SLC66A1: variants seen among roughly 807,000 people sequenced by gnomAD.
SLC66A1 encodes the protein lysosomal amino acid transporter 1 homolog.
In SLC66A1, 23 loss-of-function variants were observed where a neutral mutation model predicts 33.0. The observed-to-expected ratio is 0.70, with a 90% CI of 0.50 to 0.99. SLC66A1 has a LOEUF of 0.99. Ranked by LOEUF, SLC66A1 falls within the 50% of genes least tolerant of loss-of-function variation. SLC66A1 has a pLI of 0.00. For missense variants in SLC66A1, 335 were observed against 383.6 expected (o/e 0.87, Z 1.06); for synonymous variants, 164 against 175.5 (o/e 0.93, Z 0.52).
At position 19,328,543 on chromosome 1, in the gene SLC66A1, C is replaced by T; in HGVS notation, c.805-29C>T. ...GGGCAGGTCCAACCCAGTCTCTGCT[C>T]AGCTTGGCCTTAACGGCGGCACCCC... On this transcript the variant is annotated intron_variant, in intron 7 of 7. Coordinates refer to ENST00000375153, the MANE Select transcript of SLC66A1 (RefSeq NM_001040125.2). The surrounding 1 kb of genome is among the most constrained non-coding windows in gnomAD (Gnocchi z 4.7). The T allele has an allele frequency of 6.2e-7, 1 of 1,605,070 alleles. No individual in the cohort carries two copies.
At chr1:19,330,933 C>T (rs1042676146), downstream of SLC66A1, among the ~76,000 whole-genome samples, 5 of 152,258 alleles carry the variant, frequency 3.3e-5, no homozygotes, top group African/African-American at 1.2e-4. Flanking sequence ...GTTAGTTGCA[C>T]ACTTGCCATG....
At chr1:19,330,536 A>G (rs2093889514), downstream of SLC66A1, among the ~76,000 whole-genome samples, 1 of 152,184 alleles carries the variant, frequency 6.6e-6, no homozygotes, top group Admixed American at 6.6e-5. Context: ...AAATGAGCAG[A>G]TGAGACCAGC....
At position 19,321,075 on chromosome 1, in the gene SLC66A1, A is replaced by C. The variant is rs2093834469; in HGVS notation, c.164+3234A>C. Among the ~76,000 whole-genome samples, 2 of 149,010 alleles carry C rather than the reference A, an allele frequency of 1.3e-5. 1 individual carries two copies. The highest frequency in any genetic ancestry group is 5.1e-5 in the African/African-American group (2 of 38,920). The stretch of plus-strand genomic sequence containing the variant: ...AAAATTTTAAATTTTGATGATGTCC[A>C]GTTTATTTTTTCTCTTTTGTTTCTT... On this transcript the variant is annotated intron_variant, in intron 2 of 7. Transcript: ENST00000375153.
At chr1:19,313,330 A>C in intron 1 of SLC66A1, 1 of 715,710 alleles carries the variant, frequency 1.4e-6, no homozygotes, top group Non-Finnish European at 1.7e-6. Flanking sequence ...CTCCTTTCTC[A>C]CCCGTTTCCT....
At chr1:19,331,787 T>C (rs1250269303), downstream of SLC66A1, among the ~76,000 whole-genome samples, 1 of 152,226 alleles carries the variant, frequency 6.6e-6, no homozygotes, top group African/African-American at 2.4e-5. Flanking sequence ...GCCCCAAGTG[T>C]GGTCCTGAAC....
At chr1:19,320,407 CCTGT>C (rs1357587596) in intron 2 of SLC66A1, among the ~76,000 whole-genome samples, 3 of 143,972 alleles carry the variant, frequency 2.1e-5, no homozygotes, top group African/African-American at 5.2e-5. Flanking sequence ...ACACTGGTGG[CCTGT>C]CTTTTTTTTT....
chr1:19,331,222 G>A (rs1038789892), downstream of SLC66A1, among the ~76,000 whole-genome samples: 5 of 152,202 alleles, frequency 3.3e-5, no homozygotes, highest in African/African-American at 1.2e-4. Flanking sequence ...ATGTTGGCCA[G>A]GCTGGTCTCG....
chr1:19,320,693 G>A (rs775657837), intron 2 of SLC66A1, among the ~76,000 whole-genome samples: 7 of 150,440 alleles, frequency 4.7e-5, no homozygotes, highest in Admixed American at 6.6e-5. Context: ...GGGATTACAG[G>A]CGTGAGCCAC....
Position 19,326,570 on chromosome 1 carries a change from T to C in SLC66A1, c.565T>C (p.Ser189Pro). 1 of 1,614,206 alleles carries C rather than the reference T, an allele frequency of 6.2e-7. No individual in the cohort carries two copies. Among genetic ancestry groups the C allele is most frequent in the Non-Finnish European group, 8.5e-7 (1 of 1,180,034 alleles). ...GGAAGTCATTGGCTTCGTCATCGGC[T>C]CCATCTCCAGCGTGTTGTACCTGCT... ...RQEVIGFVIG[S>P]ISSVLYLLSR... Residue 189 changes from serine to proline, a missense_variant, in exon 6 of 8, where the codon TCC becomes CCC. Transcript: ENST00000375153.
At chr1:19,321,462 G>C (rs2093837185) in intron 2 of SLC66A1, among the ~76,000 whole-genome samples, 1 of 149,674 alleles carries the variant, frequency 6.7e-6, no homozygotes, top group African/African-American at 2.6e-5. Context: ...TCAAGCATGA[G>C]CCATTGTGCC....
At chr1:19,325,218 C>T (rs1402189816) in intron 3 of SLC66A1, among the ~76,000 whole-genome samples, 1 of 152,240 alleles carries the variant, frequency 6.6e-6, no homozygotes, top group Non-Finnish European at 1.5e-5. Flanking sequence ...GCCATCACTT[C>T]ACCGCGGAGT....
chr1:19,316,176 G>A (rs555318103), intron 1 of SLC66A1, among the ~76,000 whole-genome samples: 5 of 152,276 alleles, frequency 3.3e-5, no homozygotes, highest in African/African-American at 9.6e-5. Flanking sequence ...TCATTGTGAC[G>A]GTGGGGAGGT....
chr1:19,319,621 T>TTTTTTTTTTTTTTTTTTTTTTTTTTTG (rs1343830305), intron 2 of SLC66A1, among the ~76,000 whole-genome samples: 1 of 149,158 alleles, frequency 6.7e-6, no homozygotes, highest in African/African-American at 2.5e-5. Flanking sequence ...TTTTTTTTTT[T>TTTTTTTTTTTTTTTTTTTTTTTTTTTG]GCCTGGTGCA....
Position 19,326,538 on chromosome 1 carries a change from C to T in SLC66A1, c.533C>T (p.Thr178Ile), listed in dbSNP as rs370216176. The T allele has an allele frequency of 2.5e-5, 40 of 1,614,154 alleles. No individual in the cohort carries two copies. The African/African-American group carries it at 4.1e-4, about 17-fold the overall frequency. ...CCCCCTTCTGCCCCACAGCCCTTCA[C>T]CCGGCAGGAAGTCATTGGCTTCGTC... ...LSVESGSKPF[T>I]RQEVIGFVIG... The change falls in exon 6 of 8, where the codon ACC (threonine) becomes ATC (isoleucine). Residue 178 changes from threonine (T) to isoleucine (I), a missense_variant. Thr to Ile is a moderately conservative substitution (Grantham distance 89, BLOSUM62 -1). Coordinates refer to ENST00000375153, the MANE Select transcript of SLC66A1 (RefSeq NM_001040125.2).
At chr1:19,333,682 C>T (rs867486755), downstream of SLC66A1, among the ~76,000 whole-genome samples, 3 of 152,066 alleles carry the variant, frequency 2.0e-5, no homozygotes, top group South Asian at 2.1e-4. This position sits in a 1 kb window ranked among gnomAD's most constrained non-coding sequence, Gnocchi z 4.2. Flanking sequence ...CCAGGTGAGG[C>T]GACTCATGCC....
downstream of SLC66A1, among the ~76,000 whole-genome samples, chr1:19,332,668 G>A (rs2093895699): frequency 6.6e-6 from 1 of 152,150 alleles, no homozygotes; most frequent in African/African-American, 2.4e-5. Context: ...ATACTGATGG[G>A]GCCGTGTTTG....
At chr1:19,330,023 A>G (rs1383939412), downstream of SLC66A1, among the ~76,000 whole-genome samples, 1 of 152,154 alleles carries the variant, frequency 6.6e-6, no homozygotes, top group African/African-American at 2.4e-5. Context: ...GCCGGAGTAC[A>G]GTGGTGCGAT....
rs71577887 is a variant in SLC66A1, at chr1:19,321,169, C to CTTTTTTTT, written c.164+3343_164+3350dup. Among the ~76,000 whole-genome samples, 123 of 82,106 alleles carry CTTTTTTTT rather than the reference C, an allele frequency of 1.5e-3. 5 individuals are homozygous for CTTTTTTTT. The highest frequency in any genetic ancestry group is 1.8e-3 in the Non-Finnish European group (85 of 46,544). The allele number at this position is 82,106 out of a possible 152,430, so 53.9% of individuals were successfully genotyped here. A position where few individuals can be genotyped will look rare whatever the true frequency, so the allele number is the denominator to read the frequency against. On this transcript the variant is annotated intron_variant, in intron 2 of 7. Transcript: ENST00000375153. ...TAACAAAGATTTATCCTTATCTCTTCTTTTTTTTTTTTTTTTTTTTTTGAG... is the reference window on the plus strand; with the variant it reads ...TAACAAAGATTTATCCTTATCTCTTCTTTTTTTTTTTTTTTTTTTTTTTTTTTTTTGAG...
In SLC66A1 at chr1:19,326,596, T is replaced by G. The variant is rs36093020; in HGVS notation, c.591T>G (p.Leu197=). 1.2e-6 allele frequency: 2 copies of G among 1,614,180 alleles called. No homozygotes were observed. The highest frequency in any genetic ancestry group is 1.7e-6 in the Non-Finnish European group (2 of 1,180,034). Residue 197 remains leucine, a synonymous_variant, in exon 6 of 8, where the codon CTT becomes CTG. Transcript: ENST00000375153. ...CCATCTCCAGCGTGTTGTACCTGCT[T>G]TCCCGGCTGCCTCAGATCCGCACCA... is the stretch of plus-strand genomic sequence containing the variant. ...IGSISSVLYL[L]SRLPQIRTNF...
Sources: allele counts gnomAD v4.1 joint callset (sites outside exome capture counted in the v4.1 genomes callset), GRCh38; gene constraint gnomAD v4.1.1; non-coding constraint Gnocchi (gnomAD v3.1); transcripts MANE v1.5; gene names NCBI Gene and HGNC (gene_info 2026-07-23, HGNC 2026-07-21).